C5: variants seen among roughly 807,000 people sequenced by gnomAD.
The protein encoded by C5 is complement C5.
A neutral mutation model predicts 218.8 loss-of-function variants in C5; 140 were observed. That is an observed-to-expected ratio of 0.64 (90% CI 0.56 to 0.74). The LOEUF is 0.74. Among genes scored for constraint, C5 ranks in the 30% least tolerant of loss-of-function variants. The pLI, the probability that C5 is intolerant of heterozygous loss-of-function variation, is 0.00. For missense variants in C5, 1,700 were observed against 1,969.6 expected (o/e 0.86, Z 2.59); for synonymous variants, 614 against 682.3 (o/e 0.90, Z 1.56).
chr9:120,983,896 T>C (rs1208495298), intron 25 of C5, among the ~76,000 whole-genome samples: 1 of 152,196 alleles, frequency 6.6e-6, no homozygotes, highest in African/African-American at 2.4e-5. Context: ...AAGATGACCA[T>C]TGTTTCTTGT....
intron 1 of C5, among the ~76,000 whole-genome samples, chr9:121,049,921 T>C (rs2047659017): frequency 6.7e-6 from 1 of 149,316 alleles, no homozygotes; most frequent in African/African-American, 2.5e-5. Flanking sequence ...CTGGAGTTTC[T>C]TTTGTGCTTT....
Position 120,985,038 on chromosome 9 carries a change from C to A in C5, c.3231-2224G>T, listed in dbSNP as rs116082872. Among the ~76,000 whole-genome samples the A allele has an allele frequency of 8.4e-3, 1,283 of 152,118 alleles. 13 individuals carry two copies. The highest frequency in any genetic ancestry group is 0.029 in the African/African-American group (1,207 of 41,480). On this transcript the variant is annotated intron_variant, in intron 25 of 40. Coordinates refer to ENST00000223642, the MANE Select transcript of C5 (RefSeq NM_001735.3). ...CACCTGGTTTTTATAAGCTCTTACT[C>A]CTATCTCTCTTTCTCTTTGGTACTC...
intron 21 of C5, 121 bp from the exon 22 acceptor site, chr9:120,996,421 CTA>C: frequency 1.2e-6 from 1 of 833,730 alleles, no homozygotes; most frequent in Non-Finnish European, 2.1e-6. Context: ...AAAAGGCAAA[CTA>C]TGTATAAATA....
chr9:120,959,871 C>T (rs953980952), intron 38 of C5, among the ~76,000 whole-genome samples: 1 of 152,108 alleles, frequency 6.6e-6, no homozygotes, highest in Admixed American at 6.5e-5. Flanking sequence ...AAAAACCAAG[C>T]CCCCTAAATC....
At chr9:121,009,442 C>T (rs1379347129) in intron 17 of C5, among the ~76,000 whole-genome samples, 1 of 152,212 alleles carries the variant, frequency 6.6e-6, no homozygotes, top group Non-Finnish European at 1.5e-5. Context: ...TGTGGCAACA[C>T]TGATGGGAGT....
intron 2 of C5, among the ~76,000 whole-genome samples, chr9:121,043,565 C>A (rs2131819053): frequency 6.6e-6 from 1 of 152,060 alleles, no homozygotes; most frequent in African/African-American, 2.4e-5. Context: ...GTCTCACTTA[C>A]TCTGTTGCCC....
chr9:120,996,607 C>G (rs897300090), intron 21 of C5, among the ~76,000 whole-genome samples: 1 of 152,162 alleles, frequency 6.6e-6, no homozygotes, highest in East Asian at 1.9e-4. Context: ...TACTCCCATT[C>G]GACAGATGAG....
rs778271788 is a variant in C5 at position 120,953,857 on chromosome 9, C to A, written c.4774G>T (p.Ala1592Ser). 2 of 1,613,926 alleles carry A rather than the reference C, an allele frequency of 1.2e-6. No individual in the cohort carries two copies. The highest frequency in any genetic ancestry group is 1.7e-6 in the Non-Finnish European group (2 of 1,179,910). Residue 1592 changes from alanine to serine, a missense_variant, in exon 40 of 41, where the codon GCT (alanine) becomes TCT (serine). Ala to Ser is a moderately conservative substitution (Grantham distance 99). Transcript: ENST00000223642. ...LDIYKTGEAV[A>S]EKDSEITFIK... ...AAGGTAATCTCAGAGTCTTTCTCAG[C>A]AACAGCTTCCCCTGAGAGACATGCA...
chr9:121,054,792 A>C (rs549813594), upstream of C5, among the ~76,000 whole-genome samples: 1 of 152,280 alleles, frequency 6.6e-6, no homozygotes, highest in South Asian at 2.1e-4. Context: ...TTGCATCTGT[A>C]GATAATCTCC....
At chr9:121,026,744 G>A (rs1285257364) in intron 8 of C5, among the ~76,000 whole-genome samples, 2 of 152,160 alleles carry the variant, frequency 1.3e-5, no homozygotes, top group African/African-American at 2.4e-5. Flanking sequence ...CTAACCTAGT[G>A]TAGAAGAGTC....
At position 120,981,888 on chromosome 9, in the gene C5, TA is replaced by T. The variant is rs755068898; in HGVS notation, c.3441del (p.Phe1147LeufsTer3). 5 of 1,614,044 alleles carry T rather than the reference TA, an allele frequency of 3.1e-6. No individual in the cohort carries two copies. In the Admixed American group the frequency reaches 8.3e-5, roughly 27 times the overall value. ...ARENSLYLTA[F>X]TVIGIRKAFD... ...AAAGCCTTTCTAATTCCAATCACAGTAAAGGCTGTAAGATATAAGCTGTTCT... is the reference window on the plus strand; with the variant it reads ...AAAGCCTTTCTAATTCCAATCACAGTAAGGCTGTAAGATATAAGCTGTTCT... On this transcript the variant is annotated frameshift_variant, in exon 27 of 41. Transcript: ENST00000223642. LOFTEE classifies it high-confidence loss of function.
At chr9:121,044,462 C>T (rs1326098551) in intron 2 of C5, among the ~76,000 whole-genome samples, 5 of 151,852 alleles carry the variant, frequency 3.3e-5, no homozygotes, top group Middle Eastern at 3.2e-3. Context: ...GGTGACAGAG[C>T]GAGACCCTGT....
At chr9:121,023,330 T>G in intron 10 of C5, 74 bp downstream of exon 10, 1 of 943,246 alleles carries the variant, frequency 1.1e-6, no homozygotes, top group South Asian at 1.3e-5. Context: ...TTACCCTGTT[T>G]GCCACCCACA....
At chr9:121,059,197 C>A in the C5 span, among the ~76,000 whole-genome samples, 1 of 152,102 alleles carries the variant, frequency 6.6e-6, no homozygotes, top group African/African-American at 2.4e-5. The surrounding 1 kb of genome is among the most constrained non-coding windows in gnomAD (Gnocchi z 4.1). Flanking sequence ...ACTTCACATC[C>A]TAAATAATAA....
intron 25 of C5, among the ~76,000 whole-genome samples, chr9:120,988,082 T>C (rs1240092098): frequency 1.3e-5 from 2 of 152,204 alleles, no homozygotes; most frequent in African/African-American, 4.8e-5. Context: ...TGAGCCACCA[T>C]GCCCAGCCGG....
At chr9:121,033,073 T>TACACAC in intron 5 of C5, among the ~76,000 whole-genome samples, 1 of 149,448 alleles carries the variant, frequency 6.7e-6, no homozygotes, top group Admixed American at 6.8e-5. Flanking sequence ...CACACATATA[T>TACACAC]ATACACACAC....
In C5 at chr9:120,959,552, C is replaced by T. The variant is rs182411678; in HGVS notation, c.4678+696G>A. On this transcript the variant is annotated intron_variant, in intron 38 of 40. Coordinates refer to ENST00000223642, the MANE Select transcript of C5 (RefSeq NM_001735.3). ...CTGGTATTACAGGCATGAGCCACTG[C>T]GCCCGGCTCCACCCTTCCAATTTCA... is the stretch of plus-strand genomic sequence containing the variant. Among the ~76,000 whole-genome samples, 11 of 152,252 alleles carry T rather than the reference C, an allele frequency of 7.2e-5. 1 individual carries two copies. In the East Asian group the frequency reaches 1.7e-3, roughly 24 times the overall value.
intron 33 of C5, among the ~76,000 whole-genome samples, chr9:120,965,934 C>T (rs1462952516): frequency 6.6e-6 from 1 of 152,178 alleles, no homozygotes; most frequent in South Asian, 2.1e-4. Flanking sequence ...AGCAATCTTC[C>T]CCAAAGGCAT....
At chr9:120,986,014 GCA>G (rs1290273390) in intron 25 of C5, among the ~76,000 whole-genome samples, 1 of 152,106 alleles carries the variant, frequency 6.6e-6, no homozygotes, top group Non-Finnish European at 1.5e-5. Flanking sequence ...GCTAACTCTT[GCA>G]CACAGTTTTC....
Sources: gnomAD v4.1 joint callset for allele counts (sites outside exome capture counted in the v4.1 genomes callset) on GRCh38, gnomAD v4.1.1 for gene constraint, Gnocchi (gnomAD v3.1) non-coding constraint, MANE v1.5 for transcripts, NCBI Gene and HGNC (gene_info 2026-07-23, HGNC 2026-07-21) for gene names.